The following ABHD2 variants were observed in gnomAD, a reference collection of about 807,000 sequenced individuals.
The protein encoded by ABHD2 is monoacylglycerol lipase ABHD2.
Under a neutral mutation model 48.1 loss-of-function variants are expected in ABHD2, and 20 were observed. The observed-to-expected ratio is 0.42, with a 90% confidence interval of 0.29 to 0.60. ABHD2 has a LOEUF of 0.60. Ranked by LOEUF, ABHD2 falls within the 20% of genes least tolerant of loss-of-function variation. The probability of loss-of-function intolerance (pLI) is 0.24; values close to 1 mark genes in which losing one functional copy is unlikely to be tolerated. For missense variants in ABHD2, 405 were observed against 550.9 expected, an observed-to-expected ratio of 0.74 and a Z score of 2.65; for synonymous variants, 209 against 214.2, an observed-to-expected ratio of 0.98 and a Z score of 0.21.
chr15:89,127,373 A>G (rs568973423), intron 3 of ABHD2, among the ~76,000 whole-genome samples: 1 of 152,284 alleles, frequency 6.6e-6, no homozygotes, highest in African/African-American at 2.4e-5. Context: ...TGGTTGATCC[A>G]GAACCATCTG....
rs113340837 is a variant in ABHD2, at chr15:89,122,312, C to T, written c.194+5791C>T. Among the ~76,000 whole-genome samples, 566 of 152,308 alleles carry T rather than the reference C, an allele frequency of 3.7e-3. 5 individuals carry two copies. The highest frequency in any genetic ancestry group is 0.015 in the East Asian group (78 of 5,186). ...CTCTTTTCTTTATCACTGGAATATACACCCCAAATCAAGAGCCGCATACCT... is the reference window on the plus strand; with the variant it reads ...CTCTTTTCTTTATCACTGGAATATATACCCCAAATCAAGAGCCGCATACCT... On this transcript the variant is annotated intron_variant, in intron 3 of 10. Coordinates refer to ENST00000352732, the MANE Select transcript of ABHD2 (RefSeq NM_152924.5).
intron 10 of ABHD2, 189 bp downstream of exon 10, chr15:89,193,508 C>A: frequency 1.7e-6 from 1 of 604,748 alleles, no homozygotes; most frequent in Non-Finnish European, 3.0e-6. Flanking sequence ...CATCAGGCCT[C>A]CCTCGTGTTC....
intron 3 of ABHD2, among the ~76,000 whole-genome samples, chr15:89,130,386 C>T (rs1172549267): frequency 6.6e-6 from 1 of 152,232 alleles, no homozygotes; most frequent in Admixed American, 6.5e-5. Flanking sequence ...ACACCTCACA[C>T]ACTGGCTCTT....
chr15:89,193,352 C>G (rs1429160755), intron 10 of ABHD2, 33 bp downstream of exon 10: 1 of 1,566,082 alleles, frequency 6.4e-7, no homozygotes, highest in East Asian at 2.2e-5. Flanking sequence ...CTCTCAACAG[C>G]TCAGCAAGTT....
chr15:89,160,685 C>T (rs953438784), intron 5 of ABHD2, among the ~76,000 whole-genome samples: 2 of 152,208 alleles, frequency 1.3e-5, no homozygotes, highest in East Asian at 3.9e-4. Flanking sequence ...GTGTCTCCAT[C>T]ATTATGGTCC....
Position 89,090,231 on chromosome 15 carries a change from TG to T in ABHD2, c.-107+1671del, listed in dbSNP as rs1438991710. 2.6e-5 allele frequency: 4 copies of T among 152,166 alleles called. No homozygotes were observed. In the East Asian group the frequency reaches 7.7e-4, roughly 29 times the overall value. 9.4% of individuals were successfully genotyped at this position (152,166 alleles called of 1,614,324 possible). A position where few individuals can be genotyped will look rare whatever the true frequency, so the allele number is the denominator to read the frequency against. On this transcript the variant is annotated intron_variant, in intron 1 of 10. Transcript: ENST00000352732. ...CTGCCTCTTACTGGCTGTACAACCT[TG>T]GGCAAGCTACTTAACTTCTCTGTGC...
chr15:89,119,381 A>G lies in ABHD2; in HGVS notation c.194+2860A>G, dbSNP rs146192360. Among the ~76,000 whole-genome samples, 601 of 152,266 alleles carry G rather than the reference A, an allele frequency of 3.9e-3. 2 individuals are homozygous for G. Among genetic ancestry groups the G allele is most frequent in the African/African-American group, 0.013 (549 of 41,550 alleles). On this transcript the variant is annotated intron_variant, in intron 3 of 10. Coordinates refer to ENST00000352732, the MANE Select transcript of ABHD2 (RefSeq NM_152924.5). ...AACTCACCTCTTATTTCTGATTTAGATTCTAATTTTAGGAATCACTGTATC... is the reference window on the plus strand; with the variant it reads ...AACTCACCTCTTATTTCTGATTTAGGTTCTAATTTTAGGAATCACTGTATC...
At chr15:89,058,191 C>T in the ABHD2 span, among the ~76,000 whole-genome samples, 1 of 152,150 alleles carries the variant, frequency 6.6e-6, no homozygotes, top group Admixed American at 6.5e-5. Flanking sequence ...GAGATCCATT[C>T]CCCTGGCTCT....
In ABHD2 at chr15:89,195,577, C is replaced by T; in HGVS notation, c.*154C>T. 1.3e-6 allele frequency: 1 copy of T among 753,642 alleles called. No individual in the cohort carries two copies. Among genetic ancestry groups the T allele is most frequent in the Non-Finnish European group, 2.0e-6 (1 of 489,046 alleles). The allele number at this position is 753,642 out of a possible 1,614,324, so 46.7% of individuals were successfully genotyped here. A position where few individuals can be genotyped will look rare whatever the true frequency, so the allele number is the denominator to read the frequency against. On this transcript the variant is annotated 3_prime_UTR_variant, in exon 11 of 11. Coordinates refer to ENST00000352732, the MANE Select transcript of ABHD2 (RefSeq NM_152924.5). This position sits in a 1 kb window ranked among gnomAD's most constrained non-coding sequence, Gnocchi z 5.1. Reference sequence around the variant, plus strand: ...CCATGCACACCTGTCTCGGAGTAGGCAGCTCTTCCTGGGAGCTCCAGGCTA... The same window carrying T: ...CCATGCACACCTGTCTCGGAGTAGGTAGCTCTTCCTGGGAGCTCCAGGCTA...
Position 89,089,016 on chromosome 15 carries a change from A to C in ABHD2, c.-107+453A>C, listed in dbSNP as rs371008299. Among the ~76,000 whole-genome samples the C allele has an allele frequency of 8.5e-5, 13 of 152,378 alleles. No homozygotes were observed. The South Asian group carries it at 2.5e-3, about 29-fold the overall frequency. On this transcript the variant is annotated intron_variant, in intron 1 of 10. Coordinates refer to ENST00000352732, the MANE Select transcript of ABHD2 (RefSeq NM_152924.5). ...GTTTCGGGGCTCCAGGGGCTCACGC[A>C]GGACCAGTGGGTTTAAGTTCTAGAA...
chr15:89,109,679 A>G (rs868312401), intron 1 of ABHD2, among the ~76,000 whole-genome samples: 15 of 152,344 alleles, frequency 9.8e-5, no homozygotes, highest in Middle Eastern at 3.4e-3. Context: ...TATAGTGACA[A>G]GTCAGACTTG....
chr15:89,083,140 C>T (rs536751723), upstream of ABHD2, among the ~76,000 whole-genome samples: 58 of 152,294 alleles, frequency 3.8e-4, no homozygotes, highest in African/African-American at 1.4e-3. This position sits in a 1 kb window ranked among gnomAD's most constrained non-coding sequence, Gnocchi z 5.1. Context: ...CAGGTGTGAG[C>T]CACTGTGCCC....
chr15:89,095,709 C>T (rs539874638), intron 1 of ABHD2, among the ~76,000 whole-genome samples: 96 of 152,270 alleles, frequency 6.3e-4, no homozygotes, highest in Admixed American at 2.3e-3. Flanking sequence ...TTGCTTTCCT[C>T]GTGTAGCACC....
chr15:89,048,569 G>C, the ABHD2 span, among the ~76,000 whole-genome samples: 44 of 152,102 alleles, frequency 2.9e-4, no homozygotes, highest in African/African-American at 5.3e-4. Context: ...TCACATAGTC[G>C]CATATTTCTT....
Position 89,129,271 on chromosome 15 carries a change from G to A in ABHD2, c.194+12750G>A, listed in dbSNP as rs558853017. ...GGCAGGCCATGGCTAGGGTGGAAGA[G>A]ACAGAGACAGGCAGTAAGAAAGGTA... On this transcript the variant is annotated intron_variant, in intron 3 of 10. Coordinates refer to ENST00000352732, the MANE Select transcript of ABHD2 (RefSeq NM_152924.5). Among the ~76,000 whole-genome samples, 5 of 152,184 alleles carry A rather than the reference G, an allele frequency of 3.3e-5. No homozygotes were observed. In the East Asian group the frequency reaches 9.7e-4, roughly 29 times the overall value.
At chr15:89,098,946 T>C (rs970488868) in intron 1 of ABHD2, among the ~76,000 whole-genome samples, 4 of 152,222 alleles carry the variant, frequency 2.6e-5, no homozygotes, top group Non-Finnish European at 5.9e-5. Context: ...TTATCAAGGC[T>C]GAAGTGATCA....
At chr15:89,159,418 C>T (rs2015581) in intron 5 of ABHD2, among the ~76,000 whole-genome samples, 90,896 of 151,938 alleles carry the variant, frequency 0.6, 28,759 homozygotes, top group East Asian at 0.83. Flanking sequence ...AGTGGACTAA[C>T]ACAGCGGGCC....
chr15:89,097,877 T>G lies in ABHD2; in HGVS notation c.-107+9314T>G, dbSNP rs1050103994. On this transcript the variant is annotated intron_variant, in intron 1 of 10. Coordinates refer to ENST00000352732, the MANE Select transcript of ABHD2 (RefSeq NM_152924.5). The surrounding 1 kb of genome is among the most constrained non-coding windows in gnomAD (Gnocchi z 4.2). ...GTTTTAGTCACTTAACATGGAATTA[T>G]ACATGTTAGCAAATTTCTTGTTTTT... Among the ~76,000 whole-genome samples, 1 of 152,214 alleles carries G rather than the reference T, an allele frequency of 6.6e-6. No individual in the cohort carries two copies. The highest frequency in any genetic ancestry group is 1.5e-5 in the Non-Finnish European group (1 of 68,038).
Position 89,155,656 on chromosome 15 carries a change from C to T in ABHD2, c.538+122C>T. 7.9e-7 allele frequency: 1 copy of T among 1,265,482 alleles called. No individual in the cohort carries two copies. Among genetic ancestry groups the T allele is most frequent in the African/African-American group, 1.5e-5 (1 of 66,788 alleles). 78.4% of individuals were successfully genotyped at this position (1,265,482 alleles called of 1,614,324 possible). A position where few individuals can be genotyped will look rare whatever the true frequency, so the allele number is the denominator to read the frequency against. ...CCCATCTGCAAGAGATGGTAGGTCA[C>T]ACGGTTATATCAACAGCCAACTTGT... On this transcript the variant is annotated intron_variant, in intron 5 of 10. Coordinates refer to ENST00000352732, the MANE Select transcript of ABHD2 (RefSeq NM_152924.5). The surrounding 1 kb of genome is among the most constrained non-coding windows in gnomAD (Gnocchi z 4.9).
Sources: allele counts gnomAD v4.1 joint callset (sites outside exome capture counted in the v4.1 genomes callset), GRCh38; gene constraint gnomAD v4.1.1; non-coding constraint Gnocchi (gnomAD v3.1); transcripts MANE v1.5; gene names NCBI Gene and HGNC (gene_info 2026-07-23, HGNC 2026-07-21).